POF1B: variants seen among roughly 807,000 people sequenced by gnomAD.
POF1B encodes the protein POF1B actin binding protein.
A neutral mutation model predicts 55.3 loss-of-function variants in POF1B; 53 were observed. The observed-to-expected ratio is 0.96, with a 90% CI of 0.77 to 1.20. The LOEUF (loss-of-function observed/expected upper bound fraction) is 1.20, where lower values mean the gene tolerates loss of function less well. POF1B is among the 50% of genes most tolerant of loss of function. The probability of loss-of-function intolerance (pLI) is 0.00; values close to 1 mark genes in which losing one functional copy is unlikely to be tolerated. For synonymous variants in POF1B, 188 were observed against 148.3 expected (o/e 1.27, Z -1.95); for missense variants, 478 against 420.5 (o/e 1.14, Z -1.20).
chrX:85,322,105 T>A (rs1274176150), intron 7 of POF1B, among the ~76,000 whole-genome samples: 10 of 111,185 alleles, frequency 9.0e-5, no homozygotes, highest in Admixed American at 2.9e-4. Flanking sequence ...TTAAAGTTCA[T>A]AGGGAACCAA....
At chrX:85,283,647 C>T (rs923217315) in intron 15 of POF1B, among the ~76,000 whole-genome samples, 3 of 109,520 alleles carry the variant, frequency 2.7e-5, no homozygotes, top group African/African-American at 9.9e-5. Context: ...GACATAATGA[C>T]CAAATTATTT....
At chrX:85,363,562 G>A (rs937047099) in intron 3 of POF1B, among the ~76,000 whole-genome samples, 1 of 111,587 alleles carries the variant, frequency 9.0e-6, no homozygotes, top group African/African-American at 3.3e-5. Context: ...GGTTTTCAGC[G>A]ATTTTTAAAA....
Position 85,307,260 on chromosome X carries a change from T to G in POF1B, c.1067A>C (p.Lys356Thr), listed in dbSNP as rs1352676716. Residue 356 changes from lysine to threonine, a missense_variant, in exon 11 of 17, where the codon AAG (lysine) becomes ACG (threonine). Physicochemically the swap from Lys to Thr is moderately conservative, Grantham distance 78. Transcript: ENST00000262753. The stretch of plus-strand genomic sequence containing the variant: ...TGATAAATCTTTCTCAAGTCTCATC[T>G]TGTCATTTTCCAGTGACTAGAAGCA... ...QNDMTSLEND[K>T]MRLEKDLSFK... The G allele has an allele frequency of 4.2e-6, 5 of 1,193,103 alleles. No homozygotes were observed. Among genetic ancestry groups the G allele is most frequent in the Non-Finnish European group, 5.7e-6 (5 of 883,333 alleles).
chrX:85,349,430 T>A (rs1195225375), intron 5 of POF1B, among the ~76,000 whole-genome samples: 1 of 111,318 alleles, frequency 9.0e-6, no homozygotes, highest in African/African-American at 3.2e-5. Flanking sequence ...TACCCTCTCA[T>A]ACCCAAGATA....
chrX:85,283,529 G>C (rs1225080909), intron 15 of POF1B, among the ~76,000 whole-genome samples: 3 of 109,926 alleles, frequency 2.7e-5, no homozygotes, highest in African/African-American at 9.9e-5. Context: ...AAACATAAAA[G>C]AAAACGGAAA....
chrX:85,315,579 TA>T lies in POF1B; in HGVS notation c.882+127del, dbSNP rs766623149. The T allele has an allele frequency of 1.3e-5, 6 of 472,479 alleles. No individual in the cohort carries two copies. The South Asian group carries it at 5.7e-4, about 45-fold the overall frequency. 38.9% of individuals were successfully genotyped at this position (472,479 alleles called of 1,213,427 possible). ...TATAATTTTAAAGGCAAAATGGCCA[TA>T]AATTTTTTCACTTACCTGCATTTTC... On this transcript the variant is annotated intron_variant, in intron 8 of 16. Coordinates refer to ENST00000262753, the MANE Select transcript of POF1B (RefSeq NM_024921.4).
chrX:85,320,150 T>G (rs1387924944), intron 7 of POF1B, among the ~76,000 whole-genome samples: 1 of 111,428 alleles, frequency 9.0e-6, no homozygotes, highest in African/African-American at 3.3e-5. Context: ...TTCTACCTTG[T>G]GTGCATAAGG....
intron 2 of POF1B, among the ~76,000 whole-genome samples, chrX:85,372,335 C>T (rs1372037597): frequency 2.5e-5 from 2 of 80,732 alleles, no homozygotes; most frequent in Non-Finnish European, 4.8e-5. Context: ...CAGAGCGAGA[C>T]TCTGTCTCAA....
chrX:85,285,854 T>G (rs1165347463), intron 15 of POF1B, among the ~76,000 whole-genome samples: 1 of 111,071 alleles, frequency 9.0e-6, no homozygotes, highest in Non-Finnish European at 1.9e-5. Flanking sequence ...AAAAATACTT[T>G]TGAATAATGA....
At chrX:85,347,594 A>T (rs1443691157) in intron 5 of POF1B, among the ~76,000 whole-genome samples, 2 of 110,982 alleles carry the variant, frequency 1.8e-5, no homozygotes, top group African/African-American at 6.5e-5. Flanking sequence ...ATTCCTTTCA[A>T]TGTTTTTTAT....
chrX:85,361,718 T>G (rs1209951605), intron 3 of POF1B, among the ~76,000 whole-genome samples: 4 of 111,723 alleles, frequency 3.6e-5, no homozygotes, highest in African/African-American at 9.8e-5. Flanking sequence ...ATATGAATTT[T>G]AAAATAGTTT....
chrX:85,295,740 G>T (rs1433283901), intron 15 of POF1B, among the ~76,000 whole-genome samples: 1 of 111,980 alleles, frequency 8.9e-6, no homozygotes, highest in Non-Finnish European at 1.9e-5. Context: ...AGGTCCAGTT[G>T]GTTGAGTGTC....
rs779908665 is a variant in POF1B, at chrX:85,374,805, T to C, written c.282+4368A>G. Among the ~76,000 whole-genome samples the C allele has an allele frequency of 3.6e-3, 409 of 112,562 alleles. 2 individuals are homozygous for C. Among genetic ancestry groups the C allele is most frequent in the African/African-American group, 0.013 (390 of 31,086 alleles). On this transcript the variant is annotated intron_variant, in intron 2 of 16. Coordinates refer to ENST00000262753, the MANE Select transcript of POF1B (RefSeq NM_024921.4). Reference sequence around the variant, plus strand: ...TATGGGAGATGTTTTTGTTAGGATCTTTCAAAGCCATGTAACATAGTTAAA... The same window carrying C: ...TATGGGAGATGTTTTTGTTAGGATCCTTCAAAGCCATGTAACATAGTTAAA...
At chrX:85,294,561 G>A (rs981638348) in intron 15 of POF1B, among the ~76,000 whole-genome samples, 3 of 112,080 alleles carry the variant, frequency 2.7e-5, no homozygotes, top group Non-Finnish European at 1.9e-5. Flanking sequence ...TCCCAGGAAT[G>A]AAGCCTACTT....
intron 4 of POF1B, among the ~76,000 whole-genome samples, chrX:85,353,845 A>T (rs952575973): frequency 9.0e-6 from 1 of 111,514 alleles, no homozygotes; most frequent in Admixed American, 9.6e-5. Context: ...AAGAGGTCTT[A>T]GAAGAGAAAA....
chrX:85,336,182 G>T (rs768165530), intron 6 of POF1B, among the ~76,000 whole-genome samples: 4 of 110,788 alleles, frequency 3.6e-5, no homozygotes, highest in Non-Finnish European at 5.7e-5. Context: ...GTAACTGACA[G>T]GATATCATTC....
At chrX:85,345,399 CAAAT>C (rs1191136501) in intron 6 of POF1B, among the ~76,000 whole-genome samples, 2 of 110,874 alleles carry the variant, frequency 1.8e-5, no homozygotes, top group African/African-American at 3.3e-5. Flanking sequence ...ATTCTCAAGA[CAAAT>C]AATATATTCT....
chrX:85,366,200 A>G (rs1449270144), intron 3 of POF1B, among the ~76,000 whole-genome samples: 1 of 111,858 alleles, frequency 8.9e-6, no homozygotes, highest in East Asian at 2.8e-4. Context: ...CAGGGCAGGT[A>G]TTCTCTTATG....
chrX:85,361,365 C>T (rs753363229), intron 3 of POF1B, among the ~76,000 whole-genome samples: 12 of 111,779 alleles, frequency 1.1e-4, no homozygotes, highest in African/African-American at 3.6e-4. Context: ...TGTAATCAGT[C>T]AATCTTGAGT....
Sources: allele counts gnomAD v4.1 joint callset (sites outside exome capture counted in the v4.1 genomes callset), GRCh38; gene constraint gnomAD v4.1.1; transcripts MANE v1.5; gene names NCBI Gene and HGNC (gene_info 2026-07-23, HGNC 2026-07-21).